DKK2: variants seen among roughly 807,000 people sequenced by gnomAD.
DKK2 encodes dickkopf-related protein 2.
In DKK2, 11 loss-of-function variants were observed where a neutral mutation model predicts 28.1. The ratio of observed to expected loss-of-function variants is 0.39; its 90% confidence interval spans 0.25 to 0.65. DKK2 has a LOEUF of 0.65. Among genes scored for constraint, DKK2 ranks in the 30% least tolerant of loss-of-function variants. The pLI, the probability that DKK2 is intolerant of heterozygous loss-of-function variation, is 0.47. For synonymous variants in DKK2, 135 were observed against 126.5 expected (o/e 1.07, Z -0.45); for missense variants, 326 against 335.5 (o/e 0.97, Z 0.22).
At chr4:106,964,960 TATAGATAGATAGATAGATAG>T (rs754515017) in intron 1 of DKK2, among the ~76,000 whole-genome samples, 2 of 146,440 alleles carry the variant, frequency 1.4e-5, no homozygotes, top group South Asian at 2.2e-4. Flanking sequence ...GATAGATAGA[TATAGATAGATAGATAGATAG>T]ATAGATAGAT....
rs1379480164 is a variant in DKK2 at position 106,925,862 on chromosome 4, G to A, written c.310C>T (p.Arg104Trp). ...CGGTGGCAGCGCTTCTTTTTTCTCC[G>A]ACACACCATGCAGGCCGATGATCCT... ...HQGSSACMVC[R>W]RKKKRCHRDG... is the part of the protein sequence containing the mutation. Residue 104 changes from arginine to tryptophan, a missense_variant, in exon 2 of 4, where the codon CGG (arginine) becomes TGG (tryptophan). Coordinates refer to ENST00000285311, the MANE Select transcript of DKK2 (RefSeq NM_014421.3). 10 of 1,613,234 alleles carry A rather than the reference G, an allele frequency of 6.2e-6. No individual in the cohort carries two copies. Among genetic ancestry groups the A allele is most frequent in the Non-Finnish European group, 8.5e-6 (10 of 1,179,780 alleles).
chr4:106,938,646 G>T (rs1319883087), intron 1 of DKK2, among the ~76,000 whole-genome samples: 4 of 152,108 alleles, frequency 2.6e-5, no homozygotes, highest in Non-Finnish European at 4.4e-5. Flanking sequence ...AAGCCAGGCA[G>T]AGACACAACA....
Position 107,035,686 on chromosome 4 carries a change from C to A in DKK2, c.-95G>T, listed in dbSNP as rs1723954698. On this transcript the variant is annotated 5_prime_UTR_variant, in exon 1 of 4. Transcript: ENST00000285311. ...CCAACACGGGGCCCCTCACTTGGGT[C>A]GCGGGGGCTTGCAGATTGTGTTCCC... is the stretch of plus-strand genomic sequence containing the variant. The A allele has an allele frequency of 2.3e-6, 3 of 1,328,348 alleles. No individual in the cohort carries two copies. The highest frequency in any genetic ancestry group is 1.8e-5 in the Admixed American group (1 of 55,090). 82.3% of individuals were successfully genotyped at this position (1,328,348 alleles called of 1,614,324 possible).
chr4:106,976,917 C>A (rs143952854), intron 1 of DKK2, among the ~76,000 whole-genome samples: 4 of 152,136 alleles, frequency 2.6e-5, no homozygotes, highest in African/African-American at 9.6e-5. Flanking sequence ...TTCAGGATCT[C>A]TTGTAAGGCA....
At chr4:107,026,702 CT>C (rs1723785769) in intron 1 of DKK2, among the ~76,000 whole-genome samples, 1 of 149,836 alleles carries the variant, frequency 6.7e-6, no homozygotes, top group South Asian at 2.1e-4. Context: ...AATGTACAGG[CT>C]TTTTTGATAA....
chr4:106,990,848 A>G (rs1723193885), intron 1 of DKK2, among the ~76,000 whole-genome samples: 1 of 152,042 alleles, frequency 6.6e-6, no homozygotes, highest in South Asian at 2.1e-4. Context: ...GGCAAGTGGA[A>G]AGTATACTAG....
intron 1 of DKK2, among the ~76,000 whole-genome samples, chr4:106,929,837 C>T (rs1480911397): frequency 1.3e-5 from 2 of 152,134 alleles, no homozygotes; most frequent in Non-Finnish European, 2.9e-5. Context: ...GTTTAAGTAA[C>T]TGCTAGAAAT....
intron 1 of DKK2, among the ~76,000 whole-genome samples, chr4:106,961,129 A>T (rs1360019806): frequency 6.6e-6 from 1 of 152,080 alleles, no homozygotes; most frequent in African/African-American, 2.4e-5. Context: ...TATTTTGATA[A>T]AAGAGAATGC....
At chr4:107,021,385 C>T (rs1723689304) in intron 1 of DKK2, among the ~76,000 whole-genome samples, 2 of 151,878 alleles carry the variant, frequency 1.3e-5, no homozygotes, top group Admixed American at 1.3e-4. Context: ...GAACGTTCTA[C>T]ATAAAAATAT....
intron 1 of DKK2, among the ~76,000 whole-genome samples, chr4:106,966,840 C>T (rs1722787828): frequency 1.3e-5 from 2 of 152,148 alleles, no homozygotes; most frequent in Admixed American, 6.5e-5. Flanking sequence ...GAGAACAGTG[C>T]AGGAAAGACC....
intron 1 of DKK2, among the ~76,000 whole-genome samples, chr4:106,967,100 A>G (rs1359146641): frequency 6.6e-6 from 1 of 152,212 alleles, no homozygotes; most frequent in East Asian, 1.9e-4. Context: ...AGATCAATTC[A>G]TTCATTTAAC....
intron 1 of DKK2, among the ~76,000 whole-genome samples, chr4:106,933,304 T>A (rs1274401425): frequency 1.3e-5 from 2 of 152,212 alleles, no homozygotes; most frequent in African/African-American, 4.8e-5. Context: ...GACATGGGTC[T>A]AAGTGAAGGA....
At chr4:106,998,042 G>T (rs1723301126) in intron 1 of DKK2, among the ~76,000 whole-genome samples, 1 of 152,162 alleles carries the variant, frequency 6.6e-6, no homozygotes, top group Non-Finnish European at 1.5e-5. Context: ...GAAGAACAAG[G>T]ATGACCTGGA....
At chr4:106,953,469 G>T (rs1359356263) in intron 1 of DKK2, among the ~76,000 whole-genome samples, 1 of 152,116 alleles carries the variant, frequency 6.6e-6, no homozygotes, top group East Asian at 1.9e-4. Context: ...AAATCACAAA[G>T]ATATGGGGTG....
At chr4:107,019,123 T>C (rs1723654165) in intron 1 of DKK2, among the ~76,000 whole-genome samples, 1 of 151,870 alleles carries the variant, frequency 6.6e-6, no homozygotes, top group Non-Finnish European at 1.5e-5. Context: ...GTTTCCAGAG[T>C]TTACGGGCAC....
At chr4:106,946,933 T>C (rs573889412) in intron 1 of DKK2, among the ~76,000 whole-genome samples, 3 of 152,128 alleles carry the variant, frequency 2.0e-5, no homozygotes, top group East Asian at 3.9e-4. Flanking sequence ...TTGTGATCCA[T>C]TGATGATTTA....
At chr4:107,029,507 A>G (rs1723844482) in intron 1 of DKK2, among the ~76,000 whole-genome samples, 1 of 152,210 alleles carries the variant, frequency 6.6e-6, no homozygotes, top group Non-Finnish European at 1.5e-5. Context: ...TGCCTGGCAT[A>G]GAGTGAATAA....
At chr4:106,924,799 A>C (rs1021241212) in intron 2 of DKK2, 99 bp from the exon 3 acceptor site, 7 of 1,160,972 alleles carry the variant, frequency 6.0e-6, no homozygotes, top group African/African-American at 1.5e-5. Flanking sequence ...CCATTTATCT[A>C]TCTGTGTATC....
intron 1 of DKK2, among the ~76,000 whole-genome samples, chr4:106,944,366 A>G (rs1481838609): frequency 6.6e-6 from 1 of 152,108 alleles, no homozygotes. Flanking sequence ...AAGGCAGACA[A>G]TGCTTCTAGG....
Sources: gnomAD v4.1 joint callset for allele counts (sites outside exome capture counted in the v4.1 genomes callset) on GRCh38, gnomAD v4.1.1 for gene constraint, MANE v1.5 for transcripts, NCBI Gene and HGNC (gene_info 2026-07-23, HGNC 2026-07-21) for gene names.